The following MTSS1 variants were observed in gnomAD, a reference collection of about 807,000 sequenced individuals.
MTSS1 encodes MTSS I-BAR domain containing 1.
MTSS1 carries 18 observed loss-of-function variants against 79.0 expected under a neutral mutation model. The observed-to-expected ratio is 0.23, with a 90% CI of 0.16 to 0.34. MTSS1 has a LOEUF of 0.34. MTSS1 is among the 10% of genes least tolerant of loss of function. The probability of loss-of-function intolerance (pLI) is 1.00; values close to 1 mark genes in which losing one functional copy is unlikely to be tolerated. For missense variants in MTSS1, 815 were observed against 986.2 expected (o/e 0.83, Z 2.33); for synonymous variants, 341 against 368.6 (o/e 0.93, Z 0.86).
At position 124,553,604 on chromosome 8, in the gene MTSS1, G is replaced by T. The variant is rs781571240; in HGVS notation, c.1656C>A (p.Ser552Arg). The change falls in exon 14 of 14, where the codon AGC (serine) becomes AGA (arginine). Residue 552 changes from serine (S) to arginine (R), a missense_variant. This residue lies in a region of MTSS1 where 590 missense variants were observed against 620.8 expected (regional missense o/e 0.95). Coordinates refer to ENST00000518547, the MANE Select transcript of MTSS1 (RefSeq NM_014751.6). This position sits in a 1 kb window ranked among gnomAD's most constrained non-coding sequence, Gnocchi z 6.0. The part of the protein sequence containing the change: ...FDKSSTIPRN[S>R]DISQSYRRMF... ...TCCGTCGGTAGGACTGGCTGATGTC[G>T]CTGTTTCTTGGAATGGTGGAGGACT... The T allele has an allele frequency of 3.1e-6, 5 of 1,614,154 alleles. No homozygotes were observed. Among genetic ancestry groups the T allele is most frequent in the Non-Finnish European group, 4.2e-6 (5 of 1,180,030 alleles).
At chr8:124,642,661 C>T (rs1277019762) in intron 3 of MTSS1, among the ~76,000 whole-genome samples, 7 of 152,112 alleles carry the variant, frequency 4.6e-5, no homozygotes, top group Non-Finnish European at 8.8e-5. Flanking sequence ...GGCATGATCT[C>T]GGCTCACTGC....
intron 3 of MTSS1, among the ~76,000 whole-genome samples, chr8:124,671,116 C>T (rs1432570430): frequency 6.6e-6 from 1 of 151,968 alleles, no homozygotes; most frequent in Non-Finnish European, 1.5e-5. Context: ...TTGCTCCAAC[C>T]ACTGCCTTTC....
intron 3 of MTSS1, among the ~76,000 whole-genome samples, chr8:124,595,477 G>A (rs138190413): frequency 1.8e-4 from 27 of 152,164 alleles, no homozygotes; most frequent in African/African-American, 5.8e-4. Flanking sequence ...TCCTTGGCTC[G>A]TGGCCCCTTT....
intron 3 of MTSS1, among the ~76,000 whole-genome samples, chr8:124,656,243 C>A (rs1482628921): frequency 6.6e-6 from 1 of 152,162 alleles, no homozygotes; most frequent in Non-Finnish European, 1.5e-5. Context: ...CCAACTCTTT[C>A]CTTTAGGAAG....
At chr8:124,715,965 T>C (rs1831889983) in intron 1 of MTSS1, among the ~76,000 whole-genome samples, 1 of 152,208 alleles carries the variant, frequency 6.6e-6, no homozygotes, top group Non-Finnish European at 1.5e-5. Context: ...AACAAGTGTT[T>C]AGAAGGGTGA....
At chr8:124,569,685 C>A (rs951023130) in intron 6 of MTSS1, among the ~76,000 whole-genome samples, 1 of 152,198 alleles carries the variant, frequency 6.6e-6, no homozygotes, top group Non-Finnish European at 1.5e-5. Flanking sequence ...GCCCCTAGTA[C>A]AATGTCATGT....
chr8:124,704,274 T>C (rs1830099985), intron 1 of MTSS1, 83 bp from the exon 2 acceptor site: 3 of 1,179,306 alleles, frequency 2.5e-6, no homozygotes, highest in Admixed American at 1.7e-5. Context: ...ATTCCAATCA[T>C]GCAGGGAACA....
intron 3 of MTSS1, among the ~76,000 whole-genome samples, chr8:124,698,406 G>C (rs922288020): frequency 6.6e-6 from 1 of 152,090 alleles, no homozygotes; most frequent in African/African-American, 2.4e-5. Flanking sequence ...CAAAGTAAGA[G>C]GCAGAAGAGA....
At chr8:124,698,304 G>A (rs895795729) in intron 3 of MTSS1, among the ~76,000 whole-genome samples, 1 of 152,032 alleles carries the variant, frequency 6.6e-6, no homozygotes, top group African/African-American at 2.4e-5. Flanking sequence ...CCCAACACTT[G>A]CCCTACAACC....
At chr8:124,615,562 GGGGGGAA>G (rs1026025755) in intron 3 of MTSS1, among the ~76,000 whole-genome samples, 1 of 152,142 alleles carries the variant, frequency 6.6e-6, no homozygotes, top group Admixed American at 6.5e-5. Context: ...ATCAGGCACT[GGGGGGAA>G]GGGGGAAAAT....
chr8:124,564,129 C>CAAAAA (rs56313535), intron 9 of MTSS1, among the ~76,000 whole-genome samples: 19 of 87,790 alleles, frequency 2.2e-4, no homozygotes, highest in African/African-American at 7.5e-4. Context: ...GACCCGATCT[C>CAAAAA]AAAAAAAAAA....
At chr8:124,626,975 C>T (rs868343165) in intron 3 of MTSS1, among the ~76,000 whole-genome samples, 4 of 152,168 alleles carry the variant, frequency 2.6e-5, no homozygotes, top group Admixed American at 6.5e-5. Flanking sequence ...CCAGCCTGCA[C>T]ACAGGGGTTG....
intron 11 of MTSS1, 67 bp from the exon 12 acceptor site, chr8:124,556,472 TAGAC>T: frequency 6.7e-7 from 1 of 1,488,400 alleles, no homozygotes; most frequent in Non-Finnish European, 9.0e-7. Flanking sequence ...GGGGACCCCA[TAGAC>T]AGCTCCCCAG....
intron 3 of MTSS1, among the ~76,000 whole-genome samples, chr8:124,682,912 G>A (rs1055725793): frequency 1.4e-4 from 22 of 152,142 alleles, no homozygotes; most frequent in African/African-American, 5.3e-4. Flanking sequence ...CCACTTTCTT[G>A]AAGAAAACAA....
intron 3 of MTSS1, among the ~76,000 whole-genome samples, chr8:124,667,375 T>C (rs1178439616): frequency 6.6e-6 from 1 of 152,130 alleles, no homozygotes; most frequent in African/African-American, 2.4e-5. Flanking sequence ...CCGGGCGTGG[T>C]GGCTCATGCC....
rs751940758 is a variant in MTSS1, at chr8:124,557,695, T to C, written c.1216A>G (p.Ile406Val). Residue 406 changes from isoleucine to valine, a missense_variant, in exon 11 of 14, where the codon ATC becomes GTC. Ile to Val is a conservative substitution (Grantham distance 29, BLOSUM62 3). Around this residue, in one of 2 missense-constraint regions of MTSS1, gnomAD observed 590 missense variants for 620.8 expected, o/e 0.95. Coordinates refer to ENST00000518547, the MANE Select transcript of MTSS1 (RefSeq NM_014751.6). ...IGPGMFPSSQIPSWKDWAKPG... is the reference protein window; with the variant it reads ...IGPGMFPSSQVPSWKDWAKPG... Reference sequence around the variant, plus strand: ...GAGACACAAACCTTCCAGCTAGGGATCTGAGATGACGGGAACATGCCGGGC... The same window carrying C: ...GAGACACAAACCTTCCAGCTAGGGACCTGAGATGACGGGAACATGCCGGGC... The C allele has an allele frequency of 3.8e-6, 6 of 1,581,472 alleles. No homozygotes were observed. In the Admixed American group the frequency reaches 9.0e-5, roughly 24 times the overall value.
intron 3 of MTSS1, among the ~76,000 whole-genome samples, chr8:124,688,174 G>A (rs1455225667): frequency 1.3e-5 from 2 of 152,076 alleles, no homozygotes; most frequent in Non-Finnish European, 2.9e-5. Context: ...GCGTACGTGT[G>A]CGTGTGTATG....
rs1292976911 is a variant in MTSS1, at chr8:124,563,991, C to T, written c.825-999G>A. On this transcript the variant is annotated intron_variant, in intron 9 of 13. Coordinates refer to ENST00000518547, the MANE Select transcript of MTSS1 (RefSeq NM_014751.6). ...GATAAAAATACAAAACTTAGCCAGGCATGGTGGCAGGCACCTATAATCGCA... is the reference window on the plus strand; with the variant it reads ...GATAAAAATACAAAACTTAGCCAGGTATGGTGGCAGGCACCTATAATCGCA... Among the ~76,000 whole-genome samples the T allele has an allele frequency of 3.3e-5, 5 of 152,100 alleles. No homozygotes were observed. In the East Asian group the frequency reaches 9.6e-4, roughly 29 times the overall value.
chr8:124,609,915 C>T (rs566960008), intron 3 of MTSS1, among the ~76,000 whole-genome samples: 2 of 152,286 alleles, frequency 1.3e-5, no homozygotes, highest in Admixed American at 1.3e-4. Flanking sequence ...GGAAATGAGA[C>T]ATTCTTCATA....
Sources: gnomAD v4.1 joint callset for allele counts (sites outside exome capture counted in the v4.1 genomes callset) on GRCh38, gnomAD v4.1.1 for gene constraint, gnomAD v4.1.1 regional missense constraint, Gnocchi (gnomAD v3.1) non-coding constraint, MANE v1.5 for transcripts, NCBI Gene and HGNC (gene_info 2026-07-23, HGNC 2026-07-21) for gene names.